ARMC3: variants seen among roughly 807,000 people sequenced by gnomAD.
ARMC3 encodes armadillo repeat containing 3.
A neutral mutation model predicts 90.3 loss-of-function variants in ARMC3; 74 were observed. The ratio of observed to expected loss-of-function variants is 0.82; its 90% CI spans 0.68 to 0.99. The LOEUF (loss-of-function observed/expected upper bound fraction) is 0.99, where lower values mean the gene tolerates loss of function less well. Among genes scored for constraint, ARMC3 ranks in the 50% least tolerant of loss-of-function variants. The pLI is 0.00. For synonymous variants in ARMC3, 334 were observed against 361.8 expected, an observed-to-expected ratio of 0.92 and a Z score of 0.87; for missense variants, 958 against 1,042.8, an observed-to-expected ratio of 0.92 and a Z score of 1.12.
intron 16 of ARMC3, among the ~76,000 whole-genome samples, chr10:23,011,620 C>G (rs1838017146): frequency 6.6e-6 from 1 of 152,202 alleles, no homozygotes; most frequent in African/African-American, 2.4e-5. Flanking sequence ...CTCTCTTCCC[C>G]TCTCTCTTAC....
chr10:22,984,296 C>T (rs1172702221), intron 10 of ARMC3, among the ~76,000 whole-genome samples: 3 of 152,112 alleles, frequency 2.0e-5, no homozygotes, highest in African/African-American at 4.8e-5. Context: ...ATTGAGTAAT[C>T]GCTGGTGTTG....
At chr10:22,959,173 G>A (rs1163606236) in intron 5 of ARMC3, 35 bp downstream of exon 5, 3 of 1,558,568 alleles carry the variant, frequency 1.9e-6, no homozygotes, top group Admixed American at 1.7e-5. Context: ...TTAAAAAATG[G>A]AACTGGTTTT....
intron 8 of ARMC3, among the ~76,000 whole-genome samples, chr10:22,975,683 G>T (rs1835889973): frequency 6.6e-6 from 1 of 152,094 alleles, no homozygotes; most frequent in Non-Finnish European, 1.5e-5. Flanking sequence ...TTTTTATCCT[G>T]AGTTTGAAAA....
chr10:23,020,684 AACAGCTAATGCTGTT>A lies in ARMC3; in HGVS notation c.2046-9910_2046-9896del, dbSNP rs1483810277. 3.3e-5 allele frequency among the ~76,000 whole-genome samples: 5 copies of A among 152,256 alleles called. No homozygotes were observed. In the East Asian group the frequency reaches 9.6e-4, roughly 29 times the overall value. On this transcript the variant is annotated intron_variant, in intron 16 of 18. Coordinates refer to ENST00000298032, the MANE Select transcript of ARMC3 (RefSeq NM_173081.5). ...TCATGATCTTAATTTGCATTTCCCT[AACAGCTAATGCTGTT>A]AGCATTTTTTCATGTGCTTATTTGC...
At chr10:22,987,477 A>G (rs967102167) in intron 10 of ARMC3, among the ~76,000 whole-genome samples, 3 of 152,256 alleles carry the variant, frequency 2.0e-5, no homozygotes, top group African/African-American at 7.2e-5. Flanking sequence ...ATTAGAATAA[A>G]TGTTCAGAAC....
At chr10:22,928,997 C>T (rs1288161520) in intron 1 of ARMC3, among the ~76,000 whole-genome samples, 3 of 152,118 alleles carry the variant, frequency 2.0e-5, no homozygotes, top group South Asian at 2.1e-4. Context: ...GAGGCTGAGG[C>T]GGGTGGATCG....
intron 2 of ARMC3, among the ~76,000 whole-genome samples, chr10:22,936,066 C>A (rs1834096760): frequency 6.6e-6 from 1 of 152,178 alleles, no homozygotes; most frequent in South Asian, 2.1e-4. Context: ...TCACTGAGGT[C>A]ATCTTCATAA....
chr10:22,985,864 A>G (rs1284803489), intron 10 of ARMC3, among the ~76,000 whole-genome samples: 2 of 152,038 alleles, frequency 1.3e-5, no homozygotes, highest in African/African-American at 4.8e-5. Flanking sequence ...TTGCCTGGAA[A>G]ACCTCTTCCC....
intron 7 of ARMC3, among the ~76,000 whole-genome samples, 160 bp from the exon 8 acceptor site, chr10:22,968,146 G>C (rs190299791): frequency 6.6e-6 from 1 of 152,200 alleles, no homozygotes; most frequent in South Asian, 2.1e-4. Context: ...CAAGAAGAGT[G>C]ATGTTACTTT....
chr10:22,965,359 G>T (rs939976797), intron 7 of ARMC3, among the ~76,000 whole-genome samples: 4 of 152,112 alleles, frequency 2.6e-5, no homozygotes. Flanking sequence ...TTTGTTTTCA[G>T]CATTTTTAAA....
intron 16 of ARMC3, among the ~76,000 whole-genome samples, chr10:23,011,613 T>G (rs12247657): frequency 0.012 from 1,849 of 152,260 alleles, 43 homozygotes; most frequent in African/African-American, 0.042. Flanking sequence ...TGCCCATCTC[T>G]CTTCCCCTCT....
intron 10 of ARMC3, among the ~76,000 whole-genome samples, chr10:22,982,636 T>C (rs2033684342): frequency 6.6e-6 from 1 of 152,230 alleles, no homozygotes; most frequent in Non-Finnish European, 1.5e-5. Context: ...GTCTGTGTTC[T>C]TTCCTCTACA....
At chr10:22,993,387 C>T (rs1232559064) in intron 10 of ARMC3, among the ~76,000 whole-genome samples, 2 of 152,208 alleles carry the variant, frequency 1.3e-5, no homozygotes, top group African/African-American at 4.8e-5. Context: ...AATTACCTCA[C>T]TGTATAATTG....
intron 2 of ARMC3, among the ~76,000 whole-genome samples, chr10:22,936,925 A>G (rs1834132555): frequency 6.6e-6 from 1 of 151,636 alleles, no homozygotes; most frequent in African/African-American, 2.4e-5. Context: ...CTTTTTTGAG[A>G]TAGGGTCTTG....
chr10:22,976,085 C>T (rs370597347), intron 8 of ARMC3, among the ~76,000 whole-genome samples: 4 of 152,138 alleles, frequency 2.6e-5, no homozygotes, highest in South Asian at 2.1e-4. Flanking sequence ...AGTATTGCAA[C>T]GCCAGAGTTC....
Position 22,946,153 on chromosome 10 carries a change from T to C in ARMC3, c.58T>C (p.Leu20=), listed in dbSNP as rs764313006. 1.0e-5 allele frequency: 16 copies of C among 1,607,358 alleles called. No homozygotes were observed. Among genetic ancestry groups the C allele is most frequent in the Non-Finnish European group, 1.3e-5 (15 of 1,176,346 alleles). The change falls in exon 3 of 19, where the codon TTA becomes CTA. Residue 20 remains leucine (L), a synonymous_variant. Coordinates refer to ENST00000298032, the MANE Select transcript of ARMC3 (RefSeq NM_173081.5). The stretch of plus-strand genomic sequence containing the variant: ...TCTTTCTGCCTTTCAGTTTGACCCA[T>C]TAATGATTGAAAGCAAAAAAGCAGC... ...EPPPKDVFDP[L]MIESKKAATV... is the part of the protein sequence containing the mutation.
intron 2 of ARMC3, among the ~76,000 whole-genome samples, chr10:22,943,835 A>G (rs1188753408): frequency 6.6e-6 from 1 of 151,992 alleles, no homozygotes; most frequent in Non-Finnish European, 1.5e-5. Context: ...CAGGAGGCTG[A>G]GGCAGAGAGA....
chr10:22,959,883 C>T (rs1193471907), intron 6 of ARMC3: 5 of 479,546 alleles, frequency 1.0e-5, no homozygotes, highest in Admixed American at 2.3e-5. Flanking sequence ...GTGGAAACTG[C>T]GCAGCTACTA....
chr10:22,989,305 A>G (rs768846208), intron 10 of ARMC3, among the ~76,000 whole-genome samples: 51 of 152,186 alleles, frequency 3.4e-4, no homozygotes, highest in Non-Finnish European at 6.2e-4. Context: ...TTTGTCCCCT[A>G]TTAAGGTGTA....
Sources: allele counts gnomAD v4.1 joint callset (sites outside exome capture counted in the v4.1 genomes callset), GRCh38; gene constraint gnomAD v4.1.1; transcripts MANE v1.5; gene names NCBI Gene and HGNC (gene_info 2026-07-23, HGNC 2026-07-21).